The following MACF1 variants were observed in gnomAD, a reference collection of about 807,000 sequenced individuals.
MACF1 encodes the protein microtubule actin crosslinking factor 1.
A neutral mutation model predicts 854.8 loss-of-function variants in MACF1; 193 were observed. The ratio of observed to expected loss-of-function variants is 0.23; its 90% CI spans 0.20 to 0.25. MACF1 has a LOEUF of 0.25. Among genes scored for constraint, MACF1 ranks in the 10% least tolerant of loss-of-function variants. The probability of loss-of-function intolerance (pLI) is 1.00; values close to 1 mark genes in which losing one functional copy is unlikely to be tolerated. For synonymous variants in MACF1, 3,185 were observed against 3,226.7 expected (o/e 0.99, Z 0.44); for missense variants, 7,722 against 8,929.1 (o/e 0.86, Z 5.45).
intron 16 of MACF1, 109 bp from the exon 17 acceptor site, chr1:39,292,657 A>G: frequency 1.3e-6 from 1 of 771,060 alleles, no homozygotes; most frequent in Middle Eastern, 3.2e-4. Context: ...TTCTTAGAGC[A>G]ACCAATCCAT....
At chr1:39,311,081 A>T in intron 26 of MACF1, 81 bp downstream of exon 26, 1 of 1,464,694 alleles carries the variant, frequency 6.8e-7, no homozygotes, top group Non-Finnish European at 9.3e-7. Context: ...TATGGCACCT[A>T]AGAAATGAGG....
chr1:39,401,903 C>G (rs1292077750), intron 58 of MACF1, among the ~76,000 whole-genome samples: 6 of 152,128 alleles, frequency 3.9e-5, no homozygotes, highest in African/African-American at 1.4e-4. Flanking sequence ...ATTTATTCTG[C>G]CTTCTTTTCT....
chr1:39,351,964 G>C (rs909275723), intron 43 of MACF1, among the ~76,000 whole-genome samples: 11 of 152,106 alleles, frequency 7.2e-5, no homozygotes, highest in African/African-American at 2.4e-4. Flanking sequence ...GTCTTAGTGA[G>C]CCAAAAGCTG....
chr1:39,104,777 C>T (rs1197467838), intron 2 of MACF1, among the ~76,000 whole-genome samples: 2 of 152,204 alleles, frequency 1.3e-5, no homozygotes, highest in African/African-American at 4.8e-5. Context: ...ACCCTTTGTT[C>T]CCGGGCTTCT....
At chr1:39,159,706 T>G (rs1643757917) in intron 2 of MACF1, among the ~76,000 whole-genome samples, 1 of 152,216 alleles carries the variant, frequency 6.6e-6, no homozygotes, top group Admixed American at 6.5e-5. Context: ...AATGAAATCT[T>G]TTTACTTTCC....
intron 58 of MACF1, among the ~76,000 whole-genome samples, chr1:39,401,937 C>A (rs906883515): frequency 2.6e-5 from 4 of 152,192 alleles, no homozygotes; most frequent in African/African-American, 9.7e-5. Context: ...AGGGGCTGGA[C>A]GCAGTGGCTC....
intron 2 of MACF1, among the ~76,000 whole-genome samples, chr1:39,099,989 G>A (rs896766630): frequency 6.6e-6 from 1 of 152,168 alleles, no homozygotes; most frequent in Non-Finnish European, 1.5e-5. Context: ...GCTGAGGCAG[G>A]CCGACTACTT....
chr1:39,295,238 G>T, intron 19 of MACF1, 88 bp downstream of exon 19: 2 of 1,083,478 alleles, frequency 1.8e-6, no homozygotes, highest in South Asian at 1.3e-5. Context: ...TCCACTGAAA[G>T]ACTTGGAGGA....
chr1:39,377,926 C>T lies in MACF1; in HGVS notation c.13214-535C>T, dbSNP rs369341704. Among the ~76,000 whole-genome samples the T allele has an allele frequency of 1.6e-4, 24 of 151,900 alleles. No individual in the cohort carries two copies. The East Asian group carries it at 4.3e-3, about 27-fold the overall frequency. On this transcript the variant is annotated intron_variant, in intron 52 of 100. Coordinates refer to ENST00000564288, the MANE Select transcript of MACF1 (RefSeq NM_001394062.1). ...GGCTGAGATGGGAGAATTGCTTGAA[C>T]CTGGGAAGTGGAAGTTGCAGTGAGC...
chr1:39,361,671 G>C lies in MACF1; in HGVS notation c.12765G>C (p.Gln4255His). Residue 4255 changes from glutamine to histidine, a missense_variant, in exon 49 of 101, where the codon CAG (glutamine) becomes CAC (histidine). Coordinates refer to ENST00000564288, the MANE Select transcript of MACF1 (RefSeq NM_001394062.1). Reference protein sequence around the residue: ...PDQDITHFFQQIQELNLEMED... With the variant: ...PDQDITHFFQHIQELNLEMED... The stretch of plus-strand genomic sequence containing the variant: ...AAGATATTACACATTTCTTCCAACA[G>C]ATCCAGGTGAGGATATATCTGCCAT... 3 of 1,614,052 alleles carry C rather than the reference G, an allele frequency of 1.9e-6. No homozygotes were observed. Among genetic ancestry groups the C allele is most frequent in the Non-Finnish European group, 2.5e-6 (3 of 1,179,958 alleles).
chr1:39,447,552 C>G lies in MACF1; in HGVS notation c.19726C>G (p.Leu6576Val). ...LNIASPPSLI[L>V]NTVLSQIEEH... ...CATCGCTTCTCCACCAAGCCTGATT[C>G]TAAATACTGTCCTTTCCCAGATAGA... is the stretch of plus-strand genomic sequence containing the variant. The change falls in exon 81 of 101, where the codon CTA (leucine) becomes GTA (valine). Residue 6576 changes from leucine to valine, a missense_variant. Leu to Val is a conservative substitution (Grantham distance 32). Transcript: ENST00000564288. 6.2e-7 allele frequency: 1 copy of G among 1,614,144 alleles called. No homozygotes were observed.
rs572647495 is a variant in MACF1 at position 39,475,824 on chromosome 1, T to C, written c.21959-3974T>C. On this transcript the variant is annotated intron_variant, in intron 97 of 100. Transcript: ENST00000564288. ...TTGGAGTTGGGTGTGACTATAATGG[T>C]AGCACTGAAGCCTCAGTGGATGAGC... 2.2e-3 allele frequency among the ~76,000 whole-genome samples: 341 copies of C among 152,094 alleles called. 1 individual carries two copies. Among genetic ancestry groups the C allele is most frequent in the South Asian group, 0.011 (54 of 4,826 alleles).
At chr1:39,185,777 C>T (rs113611887) in intron 2 of MACF1, among the ~76,000 whole-genome samples, 3 of 152,040 alleles carry the variant, frequency 2.0e-5, no homozygotes, top group Admixed American at 1.3e-4. Context: ...CTGGACTTTC[C>T]GGGGGCTTAG....
intron 19 of MACF1, 93 bp from the exon 20 acceptor site, chr1:39,295,694 C>G: frequency 1.2e-6 from 1 of 866,114 alleles, no homozygotes; most frequent in Non-Finnish European, 1.8e-6. Flanking sequence ...GCTTCTCTAT[C>G]ATTAGCAGAG....
intron 2 of MACF1, among the ~76,000 whole-genome samples, chr1:39,198,449 G>A (rs1013124372): frequency 6.6e-6 from 1 of 151,822 alleles, no homozygotes; most frequent in African/African-American, 2.4e-5. Flanking sequence ...TCAGGAGTTC[G>A]AGACCAGCCT....
chr1:39,112,823 A>G (rs569453446), intron 2 of MACF1, among the ~76,000 whole-genome samples: 28 of 152,146 alleles, frequency 1.8e-4, no homozygotes, highest in African/African-American at 4.8e-4. Flanking sequence ...CTCAAATACA[A>G]CCCTCTCTTC....
intron 1 of MACF1, among the ~76,000 whole-genome samples, chr1:39,226,296 C>T (rs554598060): frequency 4.6e-5 from 7 of 151,358 alleles, no homozygotes; most frequent in African/African-American, 4.8e-5. Flanking sequence ...AGTACATTAC[C>T]GTTATGGAAG....
chr1:39,193,015 G>A (rs1438752368), intron 2 of MACF1, among the ~76,000 whole-genome samples: 3 of 152,110 alleles, frequency 2.0e-5, no homozygotes, highest in East Asian at 3.9e-4. Context: ...GGGAGGCTGA[G>A]GCAGGAGAAT....
intron 2 of MACF1, among the ~76,000 whole-genome samples, chr1:39,155,982 G>T (rs536455464): frequency 6.6e-6 from 1 of 152,106 alleles, no homozygotes; most frequent in Admixed American, 6.5e-5. Context: ...TCGCCTCCCG[G>T]GTTCACACCA....
Sources: gnomAD v4.1 joint callset for allele counts (sites outside exome capture counted in the v4.1 genomes callset) on GRCh38, gnomAD v4.1.1 for gene constraint, MANE v1.5 for transcripts, NCBI Gene and HGNC (gene_info 2026-07-23, HGNC 2026-07-21) for gene names.